Variants in ANK1 observed in about 807,000 individuals in gnomAD.
ANK1 encodes the protein ankyrin 1, also known as ankyrin-1.
A neutral mutation model predicts 210.4 loss-of-function variants in ANK1; 51 were observed. The observed-to-expected ratio is 0.24, with a 90% confidence interval of 0.19 to 0.31. The LOEUF (loss-of-function observed/expected upper bound fraction) is 0.31, where lower values mean the gene tolerates loss of function less well. ANK1 is among the 10% of genes least tolerant of loss of function. ANK1 has a pLI of 1.00. For synonymous variants in ANK1, 967 were observed against 1,025.9 expected, an observed-to-expected ratio of 0.94 and a Z score of 1.10; for missense variants, 2,051 against 2,504.4, an observed-to-expected ratio of 0.82 and a Z score of 3.86.
At position 41,672,859 on chromosome 8, in the gene ANK1, G is replaced by T. The variant is rs1395906986; in HGVS notation, c.4591C>A (p.Leu1531Ile). The T allele has an allele frequency of 6.2e-7, 1 of 1,610,096 alleles. No individual in the cohort carries two copies. The highest frequency in any genetic ancestry group is 8.5e-7 in the Non-Finnish European group (1 of 1,179,978). The stretch of plus-strand genomic sequence containing the variant: ...TGGTCTGCACGTAGCGGAGAGGAAA[G>T]TGCACAGCCCAGGGAGGCAGGGGAC... ...LLSPASLGCA[L>I]SSPLRADQYW... is the part of the protein sequence containing the mutation. The change falls in exon 38 of 43, where the codon CTT (leucine) becomes ATT (isoleucine). Residue 1531 changes from leucine to isoleucine, a missense_variant. Transcript: ENST00000289734.
chr8:41,666,655 G>A (rs1810644550), intron 39 of ANK1, among the ~76,000 whole-genome samples: 1 of 152,236 alleles, frequency 6.6e-6, no homozygotes, highest in Non-Finnish European at 1.5e-5. Flanking sequence ...ACTAATAAGT[G>A]GGTGCTTTGC....
intron 5 of ANK1, among the ~76,000 whole-genome samples, 197 bp from the exon 6 acceptor site, chr8:41,726,143 C>A (rs2150659804): frequency 6.6e-6 from 1 of 152,354 alleles, no homozygotes; most frequent in Non-Finnish European, 1.5e-5. Context: ...CCTCCACTTC[C>A]TTTCTCTGCA....
chr8:41,735,960 G>GC (rs1833313798), intron 2 of ANK1, among the ~76,000 whole-genome samples: 1 of 132 alleles, frequency 7.6e-3, no homozygotes, highest in Non-Finnish European at 0.014. Context: ...TGTGTGTGTA[G>GC]GGAGAGGGGG....
intron 7 of ANK1, 59 bp from the exon 8 acceptor site, chr8:41,723,692 G>A (rs1402176522): frequency 6.7e-7 from 1 of 1,494,172 alleles, no homozygotes; most frequent in African/African-American, 1.4e-5. Flanking sequence ...TGCAGCTGCT[G>A]TGCACCCGCT....
intron 1 of ANK1, among the ~76,000 whole-genome samples, chr8:41,762,369 GT>G (rs140373398): frequency 2.4e-4 from 35 of 148,300 alleles, no homozygotes; most frequent in South Asian, 1.3e-3. Flanking sequence ...ACAGGAGCTT[GT>G]TTTTTTTTTA....
chr8:41,809,951 T>C (rs781074438), intron 1 of ANK1, among the ~76,000 whole-genome samples: 1 of 151,966 alleles, frequency 6.6e-6, no homozygotes, highest in Non-Finnish European at 1.5e-5. Context: ...CGGCTGGTGG[T>C]CTCCCACCGT....
Position 41,704,466 on chromosome 8 carries a change from A to G in ANK1, c.2104T>C (p.Tyr702His). ...TGACTGGCCACATGGAGGGGAGTGTAGCCCATCTGAAAAGCAGATGAGAAG... is the reference window on the plus strand; with the variant it reads ...TGACTGGCCACATGGAGGGGAGTGTGGCCCATCTGAAAAGCAGATGAGAAG... Reference protein sequence around the residue: ...VMVDATTRMGYTPLHVASHYG... With the variant: ...VMVDATTRMGHTPLHVASHYG... Residue 702 changes from tyrosine (Y) to histidine (H), a missense_variant, in exon 19 of 43, where the codon TAC becomes CAC. Physicochemically the swap from Tyr to His is moderately conservative, Grantham distance 83. Around this residue, in one of 6 missense-constraint regions of ANK1, gnomAD observed 1,413 missense variants for 1,707.4 expected, o/e 0.83. Coordinates refer to ENST00000289734, the MANE Select transcript of ANK1 (RefSeq NM_000037.4). This position sits in a 1 kb window ranked among gnomAD's most constrained non-coding sequence, Gnocchi z 4.1. The G allele has an allele frequency of 1.2e-6, 2 of 1,613,942 alleles. No homozygotes were observed. Among genetic ancestry groups the G allele is most frequent in the Non-Finnish European group, 1.7e-6 (2 of 1,179,824 alleles).
At chr8:41,691,414 G>A (rs556538344) in intron 31 of ANK1, among the ~76,000 whole-genome samples, 18 of 152,270 alleles carry the variant, frequency 1.2e-4, no homozygotes, top group Admixed American at 7.2e-4. Context: ...GGTTTGCCTC[G>A]TTAGTGCCTA....
intron 2 of ANK1, among the ~76,000 whole-genome samples, chr8:41,750,735 G>GT (rs921349623): frequency 2.6e-5 from 4 of 152,194 alleles, no homozygotes; most frequent in African/African-American, 4.8e-5. Context: ...AAGGCACGCA[G>GT]TAACAAGCAC....
At position 41,715,670 on chromosome 8, in the gene ANK1, G is replaced by T; in HGVS notation, c.1584C>A (p.Ser528=). Residue 528 remains serine, a synonymous_variant, in exon 14 of 43, where the codon TCC becomes TCA. Transcript: ENST00000289734. ...TVLALLEKEA[S]QACMTKKGFT... ...GCTGTACCTTGGTCATGCAGGCCTG[G>T]GATGCTTCCTTTTCCAGAAGGGCCA... The T allele has an allele frequency of 6.2e-7, 1 of 1,613,622 alleles. No homozygotes were observed. Among genetic ancestry groups the T allele is most frequent in the South Asian group, 1.1e-5 (1 of 91,042 alleles).
At chr8:41,716,246 C>T (rs767062022) in intron 13 of ANK1, among the ~76,000 whole-genome samples, 8 of 152,084 alleles carry the variant, frequency 5.3e-5, no homozygotes, top group Non-Finnish European at 1.0e-4. Context: ...CACATCCTTT[C>T]TGAGTGGATG....
In ANK1 at chr8:41,694,944, G is replaced by A; in HGVS notation, c.3116-141C>T. ...CCGGGCGGCATAGTGGCCAGAAGAA[G>A]TGGCCAGAAGAAGTGCCCAGGCCCA... On this transcript the variant is annotated intron_variant, in intron 27 of 42. Transcript: ENST00000289734. This position sits in a 1 kb window ranked among gnomAD's most constrained non-coding sequence, Gnocchi z 5.7. The A allele has an allele frequency of 7.4e-6, 8 of 1,083,688 alleles. No individual in the cohort carries two copies. The highest frequency in any genetic ancestry group is 1.1e-5 in the Non-Finnish European group (8 of 724,084). 67.1% of individuals were successfully genotyped at this position (1,083,688 alleles called of 1,614,324 possible).
At chr8:41,701,696 T>A in intron 21 of ANK1, 74 bp from the exon 22 acceptor site, 1 of 1,430,184 alleles carries the variant, frequency 7.0e-7, no homozygotes, top group Non-Finnish European at 9.8e-7. Flanking sequence ...AGCGGTTCCC[T>A]GGTCATGCCT....
chr8:41,891,938 C>T (rs564938849), intron 1 of ANK1, among the ~76,000 whole-genome samples: 1 of 152,326 alleles, frequency 6.6e-6, no homozygotes, highest in Admixed American at 6.5e-5. Context: ...TATAAATATC[C>T]ATTAATGCCA....
At position 41,752,804 on chromosome 8, in the gene ANK1, C is replaced by CCG. The variant is rs201807452; in HGVS notation, c.129+5231_129+5232insCG. Among the ~76,000 whole-genome samples the CCG allele has an allele frequency of 5.8e-4, 88 of 151,774 alleles. 1 individual carries two copies. In the East Asian group the frequency reaches 0.012, roughly 21 times the overall value. ...CGCTGCTGGGCACACACAGGCCCCC[C>CCG]CCCACTGCACCGCTGGGCCCTCCGC... On this transcript the variant is annotated intron_variant, in intron 2 of 42. Coordinates refer to ENST00000289734, the MANE Select transcript of ANK1 (RefSeq NM_000037.4).
chr8:41,787,824 A>G (rs1430909472), intron 1 of ANK1, among the ~76,000 whole-genome samples: 1 of 151,964 alleles, frequency 6.6e-6, no homozygotes, highest in Non-Finnish European at 1.5e-5. Flanking sequence ...GGAAGAAGAA[A>G]GAAGGCAGGC....
In ANK1 at chr8:41,772,010, C is replaced by A. The variant is rs114313703; in HGVS notation, c.28-13873G>T. Among the ~76,000 whole-genome samples, 605 of 152,252 alleles carry A rather than the reference C, an allele frequency of 4.0e-3. 4 individuals carry two copies. The highest frequency in any genetic ancestry group is 0.013 in the African/African-American group (559 of 41,548). ...GATGATTTGGGAGAACAGGTCCGGGCTGCTTCAAATGGTGGCCAGTCAGAG... is the reference window on the plus strand; with the variant it reads ...GATGATTTGGGAGAACAGGTCCGGGATGCTTCAAATGGTGGCCAGTCAGAG... On this transcript the variant is annotated intron_variant, in intron 1 of 42. Coordinates refer to ENST00000289734, the MANE Select transcript of ANK1 (RefSeq NM_000037.4).
intron 37 of ANK1, among the ~76,000 whole-genome samples, chr8:41,682,838 C>T (rs1241110870): frequency 6.6e-6 from 1 of 152,204 alleles, no homozygotes; most frequent in Non-Finnish European, 1.5e-5. Context: ...AAAGAAGTCT[C>T]GACACATGGG....
At chr8:41,736,643 C>T (rs1181962822) in intron 2 of ANK1, among the ~76,000 whole-genome samples, 2 of 152,332 alleles carry the variant, frequency 1.3e-5, no homozygotes, top group African/African-American at 2.4e-5. Context: ...GCAGCGCAGT[C>T]GCTCTGATGA....
Sources: allele counts gnomAD v4.1 joint callset (sites outside exome capture counted in the v4.1 genomes callset), GRCh38; gene constraint gnomAD v4.1.1; regional missense constraint gnomAD v4.1.1; non-coding constraint Gnocchi (gnomAD v3.1); transcripts MANE v1.5; gene names NCBI Gene and HGNC (gene_info 2026-07-23, HGNC 2026-07-21).